The following RBFOX3 variants were observed in gnomAD, a reference collection of about 807,000 sequenced individuals.
The protein encoded by RBFOX3 is RNA binding protein fox-1 homolog 3.
A neutral mutation model predicts 48.7 loss-of-function variants in RBFOX3; 17 were observed. That is an observed-to-expected ratio of 0.35 (90% CI 0.24 to 0.52). The LOEUF (loss-of-function observed/expected upper bound fraction) is 0.52. RBFOX3 is among the 20% of genes least tolerant of loss of function. The probability of loss-of-function intolerance (pLI) is 0.94; values close to 1 mark genes in which losing one functional copy is unlikely to be tolerated. For synonymous variants in RBFOX3, 212 were observed against 209.5 expected (o/e 1.01, Z -0.10); for missense variants, 382 against 497.5 (o/e 0.77, Z 2.21).
chr17:79,611,343 G>A (rs2093968514), upstream of RBFOX3, among the ~76,000 whole-genome samples: 2 of 151,776 alleles, frequency 1.3e-5, no homozygotes, highest in Non-Finnish European at 1.5e-5. Context: ...TCGCGCGGCC[G>A]GGGAGGGCGG....
At chr17:79,638,318 TTTA>T in the RBFOX3 span, among the ~76,000 whole-genome samples, 7,375 of 100,750 alleles carry the variant, frequency 0.073, 419 homozygotes, top group African/African-American at 0.16. Context: ...TTTTTTTTTT[TTTA>T]AATAAAATAA....
chr17:79,561,632 C>A (rs907959318), intron 1 of RBFOX3, among the ~76,000 whole-genome samples: 12 of 152,182 alleles, frequency 7.9e-5, no homozygotes, highest in African/African-American at 1.7e-4. Flanking sequence ...TGTATGCAGA[C>A]CCCTCGAGGC....
At chr17:79,422,184 A>C (rs1479005923) in intron 2 of RBFOX3, among the ~76,000 whole-genome samples, 1 of 151,706 alleles carries the variant, frequency 6.6e-6, no homozygotes, top group African/African-American at 2.4e-5. Flanking sequence ...GGCAGAAGGG[A>C]GACAGGGAAA....
In RBFOX3 at chr17:79,351,739, C is replaced by T. The variant is rs2083976335; in HGVS notation, c.-174-43915G>A. 2.6e-5 allele frequency among the ~76,000 whole-genome samples: 4 copies of T among 152,170 alleles called. No homozygotes were observed. In the South Asian group the frequency reaches 8.3e-4, roughly 32 times the overall value. ...TGATGTATCCTGGGTTTTAAACTCT[C>T]ATCTGAGATATGATGTGCAAATATC... On this transcript the variant is annotated intron_variant, in intron 2 of 14. Coordinates refer to ENST00000693108, the MANE Select transcript of RBFOX3 (RefSeq NM_001350451.2).
At chr17:79,194,820 G>C (rs1209294161) in intron 4 of RBFOX3, among the ~76,000 whole-genome samples, 1 of 151,762 alleles carries the variant, frequency 6.6e-6, no homozygotes, top group African/African-American at 2.4e-5. Context: ...ACCATAAAAA[G>C]AGTGAAAAAA....
chr17:79,425,857 G>T (rs112135044), intron 2 of RBFOX3, among the ~76,000 whole-genome samples: 10 of 152,262 alleles, frequency 6.6e-5, no homozygotes, highest in African/African-American at 1.9e-4. Flanking sequence ...ACAAGGAATG[G>T]TGAGGGCAGA....
chr17:79,287,845 C>T (rs10221275), intron 3 of RBFOX3, among the ~76,000 whole-genome samples: 10,077 of 152,226 alleles, frequency 0.066, 383 homozygotes, highest in East Asian at 0.2. Flanking sequence ...CTGGAATGGA[C>T]GGGCTCATGG....
At chr17:79,259,999 C>A (rs1237394075) in intron 3 of RBFOX3, among the ~76,000 whole-genome samples, 2 of 152,038 alleles carry the variant, frequency 1.3e-5, no homozygotes, top group East Asian at 3.9e-4. Flanking sequence ...TGGCCGCTGA[C>A]TTTCCCTGGG....
At position 79,391,505 on chromosome 17, in the gene RBFOX3, G is replaced by C. The variant is rs9911265; in HGVS notation, c.-174-83681C>G. Among the ~76,000 whole-genome samples the C allele has an allele frequency of 0.022, 3,415 of 152,238 alleles. 129 individuals carry two copies. The highest frequency in any genetic ancestry group is 0.078 in the African/African-American group (3,251 of 41,528). On this transcript the variant is annotated intron_variant, in intron 2 of 14. Transcript: ENST00000693108. The surrounding 1 kb of genome is among the most constrained non-coding windows in gnomAD (Gnocchi z 5.0). ...ATCTAAAATGTCAAGTTCATGACTT[G>C]TCCGCCCAAATACGGCAAATGCCAC...
At chr17:79,365,010 G>T (rs1449300918) in intron 2 of RBFOX3, among the ~76,000 whole-genome samples, 2 of 152,094 alleles carry the variant, frequency 1.3e-5, no homozygotes, top group Non-Finnish European at 2.9e-5. Flanking sequence ...GATGCTCCCT[G>T]GGCCAGTCTT....
chr17:79,248,535 G>T (rs758279968), intron 3 of RBFOX3, among the ~76,000 whole-genome samples: 64 of 152,202 alleles, frequency 4.2e-4, no homozygotes, highest in Non-Finnish European at 7.6e-4. Flanking sequence ...TCATTTCCAC[G>T]TGTTAAACTG....
At chr17:79,592,904 C>T (rs1200851611) in intron 1 of RBFOX3, among the ~76,000 whole-genome samples, 2 of 152,202 alleles carry the variant, frequency 1.3e-5, no homozygotes, top group East Asian at 1.9e-4. Flanking sequence ...CCAGAAGGAA[C>T]CTGGCACACC....
At chr17:79,112,995 C>T (rs2032570601) in intron 5 of RBFOX3, among the ~76,000 whole-genome samples, 1 of 151,212 alleles carries the variant, frequency 6.6e-6, no homozygotes, top group Non-Finnish European at 1.5e-5. Context: ...CTCGAGTGCC[C>T]CGGGAGCTCA....
chr17:79,602,836 T>C (rs1395595138), intron 1 of RBFOX3, among the ~76,000 whole-genome samples: 1 of 152,108 alleles, frequency 6.6e-6, no homozygotes, highest in Non-Finnish European at 1.5e-5. Context: ...CGGGAAGGGC[T>C]GGGGGAGGGA....
intron 2 of RBFOX3, among the ~76,000 whole-genome samples, chr17:79,405,204 C>T (rs1383099627): frequency 1.3e-5 from 2 of 152,154 alleles, no homozygotes; most frequent in Non-Finnish European, 2.9e-5. Context: ...CCCACCAGCT[C>T]GATGCAACTG....
At chr17:79,244,954 T>C (rs1285206819) in intron 3 of RBFOX3, among the ~76,000 whole-genome samples, 1 of 149,762 alleles carries the variant, frequency 6.7e-6, no homozygotes, top group Non-Finnish European at 1.5e-5. Context: ...TTCTTTTCCT[T>C]CTTTCATTCT....
intron 4 of RBFOX3, among the ~76,000 whole-genome samples, chr17:79,139,113 C>T (rs2041353960): frequency 6.6e-6 from 1 of 152,014 alleles, no homozygotes; most frequent in South Asian, 2.1e-4. Flanking sequence ...CACTCTCACC[C>T]ACACACGCAC....
chr17:79,388,968 C>T (rs2060964319), intron 2 of RBFOX3, among the ~76,000 whole-genome samples: 1 of 152,238 alleles, frequency 6.6e-6, no homozygotes, highest in Non-Finnish European at 1.5e-5. Context: ...GGCCTTGCCT[C>T]TCAGCTTCCT....
intron 2 of RBFOX3, among the ~76,000 whole-genome samples, chr17:79,324,161 T>C (rs1456476867): frequency 6.6e-6 from 1 of 152,036 alleles, no homozygotes. Flanking sequence ...CTCCCTGCAA[T>C]AGGAAAGGGC....
Sources: gnomAD v4.1 joint callset for allele counts (sites outside exome capture counted in the v4.1 genomes callset) on GRCh38, gnomAD v4.1.1 for gene constraint, Gnocchi (gnomAD v3.1) non-coding constraint, MANE v1.5 for transcripts, NCBI Gene and HGNC (gene_info 2026-07-23, HGNC 2026-07-21) for gene names.